ZNF608: variants seen among roughly 807,000 people sequenced by gnomAD.
The protein encoded by ZNF608 is zinc finger protein 608.
A neutral mutation model predicts 109.0 loss-of-function variants in ZNF608; 12 were observed. The observed-to-expected ratio is 0.11, with a 90% confidence interval of 0.07 to 0.18. ZNF608 has a LOEUF of 0.18. Ranked by LOEUF, ZNF608 falls within the 10% of genes least tolerant of loss-of-function variation. The pLI is 1.00. For synonymous variants in ZNF608, 732 were observed against 717.4 expected, an observed-to-expected ratio of 1.02 and a Z score of -0.33; for missense variants, 1,707 against 1,879.3, an observed-to-expected ratio of 0.91 and a Z score of 1.70.
chr5:124,637,928 T>C, intron 9 of ZNF608, 22 bp from the exon 10 acceptor site: 2 of 1,611,264 alleles, frequency 1.2e-6, no homozygotes, highest in Non-Finnish European at 1.7e-6. Flanking sequence ...AAGCAAACCT[T>C]AGCACACGGT....
Position 124,641,347 on chromosome 5 carries a change from T to A in ZNF608, c.4355A>T (p.His1452Leu). Reference sequence around the variant, plus strand: ...CAGGTGCCGCTGGCCGAAGGGGGAGTGGCGATCCCTTTCCCTTTCTGCCTC... The same window carrying A: ...CAGGTGCCGCTGGCCGAAGGGGGAGAGGCGATCCCTTTCCCTTTCTGCCTC... The part of the protein sequence containing the change: ...EREAERERDR[H>L]SPFGQRHLHT... The change falls in exon 8 of 10, where the codon CAC (histidine) becomes CTC (leucine). Residue 1452 changes from histidine (H) to leucine (L), a missense_variant. His to Leu is a moderately conservative substitution (Grantham distance 99, BLOSUM62 -3). This residue lies in a region of ZNF608 where 1,073 missense variants were observed against 1,133.5 expected (regional missense o/e 0.95). Coordinates refer to ENST00000513986, the MANE Select transcript of ZNF608 (RefSeq NM_020747.3). 2 of 1,613,532 alleles carry A rather than the reference T, an allele frequency of 1.2e-6. No homozygotes were observed. The highest frequency in any genetic ancestry group is 1.7e-6 in the Non-Finnish European group (2 of 1,179,928).
chr5:124,647,863 C>T lies in ZNF608; in HGVS notation c.2521G>A (p.Asp841Asn). The T allele has an allele frequency of 4.3e-6, 7 of 1,614,184 alleles. No homozygotes were observed. The highest frequency in any genetic ancestry group is 5.9e-6 in the Non-Finnish European group (7 of 1,180,022). The change falls in exon 5 of 10, where the codon GAC becomes AAC. Residue 841 changes from aspartate (D) to asparagine (N), a missense_variant. This residue lies in a region of ZNF608 where 1,073 missense variants were observed against 1,133.5 expected (regional missense o/e 0.95). Transcript: ENST00000513986. ...AAATCTTTGCTGGCCCCCTTGGAGT[C>T]CTCTAGTTTCCCCAGCTTGGCATCC... Reference protein sequence around the residue: ...KMDAKLGKLEDSKGASKDLPG... With the variant: ...KMDAKLGKLENSKGASKDLPG...
At chr5:124,658,370 A>C (rs1317086006) in intron 3 of ZNF608, among the ~76,000 whole-genome samples, 19 of 152,214 alleles carry the variant, frequency 1.2e-4, no homozygotes. Context: ...CATTTGGAGC[A>C]ATTCAAATGC....
rs898521043 is a variant in ZNF608, at chr5:124,746,472, GT to G, written c.-462del. ...CACATTCACAACAGAAGCACCAAAG[GT>G]TTTTTTTTCCTCTTAACAAGCATCG... On this transcript the variant is annotated 5_prime_UTR_variant, in exon 1 of 10. It removes the in-frame stop codon of an upstream open reading frame in the 5' UTR. Transcript: ENST00000513986. 13 of 982,510 alleles carry G rather than the reference GT, an allele frequency of 1.3e-5. No homozygotes were observed. The highest frequency in any genetic ancestry group is 2.3e-4 in the East Asian group (2 of 8,696). The allele number at this position is 982,510 out of a possible 1,614,324, so 60.9% of individuals were successfully genotyped here. A position where few individuals can be genotyped will look rare whatever the true frequency, so the allele number is the denominator to read the frequency against.
intron 8 of ZNF608, among the ~76,000 whole-genome samples, chr5:124,639,480 T>C (rs1750137823): frequency 6.6e-6 from 1 of 152,194 alleles, no homozygotes; most frequent in Non-Finnish European, 1.5e-5. Flanking sequence ...TGCTAAATGG[T>C]TTGCATGCAT....
At chr5:124,667,213 G>A (rs1751514761) in intron 3 of ZNF608, among the ~76,000 whole-genome samples, 1 of 152,160 alleles carries the variant, frequency 6.6e-6, no homozygotes, top group African/African-American at 2.4e-5. Context: ...AAGAAATAAA[G>A]TTATTGGTAT....
intron 9 of ZNF608, chr5:124,638,852 A>G: frequency 8.8e-7 from 1 of 1,138,248 alleles, no homozygotes; most frequent in East Asian, 4.4e-5. Flanking sequence ...AAAGGGAGTC[A>G]TGGTGAATTA....
At chr5:124,689,117 G>C (rs939759850) in intron 3 of ZNF608, among the ~76,000 whole-genome samples, 6 of 152,124 alleles carry the variant, frequency 3.9e-5, no homozygotes, top group Admixed American at 6.6e-5. Context: ...AAAAGCTAAA[G>C]ACCAGGCATA....
chr5:124,713,225 T>G (rs1014621526), intron 2 of ZNF608, among the ~76,000 whole-genome samples: 1 of 152,176 alleles, frequency 6.6e-6, no homozygotes, highest in African/African-American at 2.4e-5. Flanking sequence ...CAAATCCCAT[T>G]TGAACATCTT....
intron 2 of ZNF608, among the ~76,000 whole-genome samples, chr5:124,718,655 T>A (rs1442350950): frequency 6.6e-6 from 1 of 152,242 alleles, no homozygotes; most frequent in East Asian, 1.9e-4. Flanking sequence ...GTCAGAGTAA[T>A]TCAGCCACTA....
chr5:124,693,542 T>C lies in ZNF608; in HGVS notation c.1162+7472A>G, dbSNP rs542722877. On this transcript the variant is annotated intron_variant, in intron 3 of 9. Coordinates refer to ENST00000513986, the MANE Select transcript of ZNF608 (RefSeq NM_020747.3). Reference sequence around the variant, plus strand: ...ACACAAAAAAAGAGGTAACAATGTCTTTACACAGTGAGTTTTAAACCTATT... The same window carrying C: ...ACACAAAAAAAGAGGTAACAATGTCCTTACACAGTGAGTTTTAAACCTATT... 1.4e-4 allele frequency among the ~76,000 whole-genome samples: 21 copies of C among 152,310 alleles called. No individual in the cohort carries two copies. The South Asian group carries it at 4.3e-3, about 32-fold the overall frequency.
chr5:124,727,709 A>T, intron 2 of ZNF608, among the ~76,000 whole-genome samples: 1 of 133,254 alleles, frequency 7.5e-6, no homozygotes. Flanking sequence ...CATCAGTTGT[A>T]TCTTGTTGCC....
chr5:124,674,845 A>C (rs1307905745), intron 3 of ZNF608, among the ~76,000 whole-genome samples: 2 of 152,108 alleles, frequency 1.3e-5, no homozygotes, highest in Non-Finnish European at 2.9e-5. Flanking sequence ...GAACTCCTGG[A>C]CTTAAGTGAT....
intron 3 of ZNF608, among the ~76,000 whole-genome samples, chr5:124,689,288 A>C (rs1468671139): frequency 6.6e-6 from 1 of 151,956 alleles, no homozygotes; most frequent in African/African-American, 2.4e-5. Flanking sequence ...CTCTAAAATA[A>C]ATTTTTTTTA....
intron 2 of ZNF608, among the ~76,000 whole-genome samples, chr5:124,729,392 A>G (rs1293817689): frequency 6.6e-6 from 1 of 152,208 alleles, no homozygotes; most frequent in Non-Finnish European, 1.5e-5. Context: ...GAGGTACCTA[A>G]CAATGCCCCT....
Position 124,679,132 on chromosome 5 carries a change from C to T in ZNF608, c.1162+21882G>A, listed in dbSNP as rs138394747. Among the ~76,000 whole-genome samples, 185 of 152,316 alleles carry T rather than the reference C, an allele frequency of 1.2e-3. No individual in the cohort carries two copies. The East Asian group carries it at 0.033, about 27-fold the overall frequency. ...TTTCACTCCAGCATTACAAACTGTG[C>T]TCCTCGAAGATAACACTTTTAAGGA... On this transcript the variant is annotated intron_variant, in intron 3 of 9. Transcript: ENST00000513986.
At chr5:124,718,472 G>A (rs1245530307) in intron 2 of ZNF608, among the ~76,000 whole-genome samples, 1 of 152,162 alleles carries the variant, frequency 6.6e-6, no homozygotes, top group Admixed American at 6.5e-5. Context: ...TGATTTAGCT[G>A]GTAGATAACA....
intron 2 of ZNF608, among the ~76,000 whole-genome samples, chr5:124,737,338 AG>A (rs1464879411): frequency 7.2e-5 from 11 of 152,232 alleles, no homozygotes; most frequent in Non-Finnish European, 1.2e-4. Context: ...GGAGGCAGAA[AG>A]CTCAGTAGTT....
chr5:124,681,188 C>T lies in ZNF608; in HGVS notation c.1162+19826G>A, dbSNP rs376306988. On this transcript the variant is annotated intron_variant, in intron 3 of 9. Coordinates refer to ENST00000513986, the MANE Select transcript of ZNF608 (RefSeq NM_020747.3). Reference sequence around the variant, plus strand: ...GAATCCCAGGCCAGGTGCGGTGGCTCACGCCTGTAATCCCAACACTTTGGG... The same window carrying T: ...GAATCCCAGGCCAGGTGCGGTGGCTTACGCCTGTAATCCCAACACTTTGGG... Among the ~76,000 whole-genome samples, 171 of 152,338 alleles carry T rather than the reference C, an allele frequency of 1.1e-3. 2 individuals are homozygous for T. The South Asian group carries it at 0.031, about 28-fold the overall frequency.
Sources: allele counts gnomAD v4.1 joint callset (sites outside exome capture counted in the v4.1 genomes callset), GRCh38; gene constraint gnomAD v4.1.1; regional missense constraint gnomAD v4.1.1; transcripts MANE v1.5; gene names NCBI Gene and HGNC (gene_info 2026-07-23, HGNC 2026-07-21).